Variants in ARHGEF40 observed in about 807,000 individuals in gnomAD.
The protein encoded by ARHGEF40 is Rho guanine nucleotide exchange factor (GEF) 40.
ARHGEF40 carries 98 observed loss-of-function variants against 165.9 expected under a neutral mutation model. That is an observed-to-expected ratio of 0.59 (90% CI 0.50 to 0.70). The LOEUF (loss-of-function observed/expected upper bound fraction) is 0.70. ARHGEF40 is among the 30% of genes least tolerant of loss of function. ARHGEF40 has a pLI of 0.00. For synonymous variants in ARHGEF40, 792 were observed against 814.3 expected, an observed-to-expected ratio of 0.97 and a Z score of 0.47; for missense variants, 1,815 against 1,968.0, an observed-to-expected ratio of 0.92 and a Z score of 1.47.
rs1887507718 is a variant in ARHGEF40, at chr14:21,077,292, T to TTC, written c.2034+403_2034+404insCT. On this transcript the variant is annotated intron_variant, in intron 8 of 23. Coordinates refer to ENST00000298694, the MANE Select transcript of ARHGEF40 (RefSeq NM_018071.5). ...CCTAGTTTTTGTATTTTTTTTTTTT[T>TTC]TTTTTTTGTAGAGACGGGGTTTTGC... is the stretch of plus-strand genomic sequence containing the variant. 1.4e-5 allele frequency among the ~76,000 whole-genome samples: 2 copies of TTC among 140,704 alleles called. 1 individual carries two copies. Among genetic ancestry groups the TTC allele is most frequent in the South Asian group, 4.7e-4 (2 of 4,256 alleles). 92.3% of individuals were successfully genotyped at this position (140,704 alleles called of 152,430 possible).
chr14:21,088,099 G>A lies in ARHGEF40; in HGVS notation c.4518+1G>A. The A allele has an allele frequency of 6.2e-7, 1 of 1,606,322 alleles. No homozygotes were observed. The highest frequency in any genetic ancestry group is 1.1e-5 in the South Asian group (1 of 90,256). ...AGGGATCTTAGGGCTATCCCGACAG[G>A]TAAGTTCCTACAACGAGGCTGGGAA... On this transcript the variant is annotated splice_donor_variant, in intron 22 of 23. Transcript: ENST00000298694. LOFTEE classifies it high-confidence loss of function.
In ARHGEF40 at chr14:21,070,930, C is replaced by G. The variant is rs1886762417; in HGVS notation, c.3+531C>G. The G allele has an allele frequency of 1.1e-5, 15 of 1,419,916 alleles. No individual in the cohort carries two copies. The South Asian group carries it at 1.8e-4, about 17-fold the overall frequency. The allele number at this position is 1,419,916 out of a possible 1,614,324, so 88.0% of individuals were successfully genotyped here. A position where few individuals can be genotyped will look rare whatever the true frequency, so the allele number is the denominator to read the frequency against. ...CCACAGCTGTGGCTGGGCCGGGTCC[C>G]GGGGCATGGCCAAAGAGGGAAATTC... On this transcript the variant is annotated intron_variant, in intron 1 of 23. Transcript: ENST00000298694. This position sits in a 1 kb window ranked among gnomAD's most constrained non-coding sequence, Gnocchi z 4.7.
chr14:21,081,792 G>A lies in ARHGEF40; in HGVS notation c.2924G>A (p.Ser975Asn), dbSNP rs758877916. Residue 975 changes from serine (S) to asparagine (N), a missense_variant, in exon 14 of 24, where the codon AGT (serine) becomes AAT (asparagine). By Grantham distance (46) the Ser-to-Asn change is conservative. Transcript: ENST00000298694. ...YRRRRADGAS[S>N]GGAQWGPRSP... ...CGACGGCGGGCAGACGGTGCCAGCA[G>A]TGGAGGGGCCCAGTGGGGGCCCCGC... The A allele has an allele frequency of 1.3e-6, 2 of 1,599,530 alleles. No homozygotes were observed. The highest frequency in any genetic ancestry group is 1.7e-6 in the Non-Finnish European group (2 of 1,174,246).
Position 21,070,999 on chromosome 14 carries a change from G to C in ARHGEF40, c.3+600G>C, listed in dbSNP as rs942941762. On this transcript the variant is annotated intron_variant, in intron 1 of 23. Transcript: ENST00000298694. The surrounding 1 kb of genome is among the most constrained non-coding windows in gnomAD (Gnocchi z 4.7). The stretch of plus-strand genomic sequence containing the variant: ...GCCTCAGGATAGTTGGGGGTGCTTG[G>C]GGGGGAGCTCACAGTACCAGGGGGC... The C allele has an allele frequency of 5.3e-5, 44 of 825,568 alleles. No individual in the cohort carries two copies. Among genetic ancestry groups the C allele is most frequent in the Middle Eastern group, 5.1e-4 (2 of 3,910 alleles). 51.1% of individuals were successfully genotyped at this position (825,568 alleles called of 1,614,324 possible).
At chr14:21,065,192 A>T in the ARHGEF40 span, among the ~76,000 whole-genome samples, 1 of 151,892 alleles carries the variant, frequency 6.6e-6, no homozygotes, top group Non-Finnish European at 1.5e-5. Flanking sequence ...ACAAACAACA[A>T]CAACAAAAAA....
intron 8 of ARHGEF40, among the ~76,000 whole-genome samples, chr14:21,077,362 AC>A (rs1434232727): frequency 7.2e-6 from 1 of 139,010 alleles, no homozygotes; most frequent in Non-Finnish European, 1.5e-5. Flanking sequence ...CCAGTGATCC[AC>A]CCGTCTCAGC....
In ARHGEF40 at chr14:21,076,848, T is replaced by A. The variant is rs1277704297; in HGVS notation, c.1992T>A (p.Gly664=). 6.2e-7 allele frequency: 1 copy of A among 1,613,538 alleles called. No individual in the cohort carries two copies. The highest frequency in any genetic ancestry group is 8.5e-7 in the Non-Finnish European group (1 of 1,180,004). ...KPEELQWELG[G]HRDPSPSHWV... Reference sequence around the variant, plus strand: ...AGGAGCTGCAGTGGGAGTTAGGAGGTCACAGGGACCCCTCTCCCAGTCACT... The same window carrying A: ...AGGAGCTGCAGTGGGAGTTAGGAGGACACAGGGACCCCTCTCCCAGTCACT... The change falls in exon 8 of 24, where the codon GGT becomes GGA. Residue 664 remains glycine (G), a synonymous_variant. Transcript: ENST00000298694.
chr14:21,078,149 C>G, intron 8 of ARHGEF40, 28 bp from the exon 9 acceptor site: 1 of 1,593,546 alleles, frequency 6.3e-7, no homozygotes, highest in Non-Finnish European at 8.5e-7. Flanking sequence ...CTCTGATCCT[C>G]AACTCCATCC....
chr14:21,085,652 A>ACTCTG, intron 18 of ARHGEF40, 37 bp from the exon 19 acceptor site: 1 of 1,599,840 alleles, frequency 6.3e-7, no homozygotes, highest in African/African-American at 1.3e-5. Flanking sequence ...GCCAGGACTC[A>ACTCTG]CTCTGTCTTC....
At chr14:21,087,672 C>T (rs2139273197) in intron 21 of ARHGEF40, 1 of 732,300 alleles carries the variant, frequency 1.4e-6, no homozygotes, top group South Asian at 1.9e-5. Flanking sequence ...TTCCTCTGTA[C>T]CTCTCTCTCT....
intron 11 of ARHGEF40, 83 bp from the exon 12 acceptor site, chr14:21,080,577 G>T (rs1887812760): frequency 2.7e-6 from 4 of 1,464,628 alleles, no homozygotes; most frequent in African/African-American, 1.4e-5. Context: ...TATAGATTGG[G>T]GTGGTGGGGC....
rs1887942323 is a variant in ARHGEF40, at chr14:21,081,910, G to A, written c.3042G>A (p.Glu1014=). 3.7e-6 allele frequency: 6 copies of A among 1,613,242 alleles called. No homozygotes were observed. The highest frequency in any genetic ancestry group is 4.2e-6 in the Non-Finnish European group (5 of 1,179,792). The change falls in exon 14 of 24, where the codon GAG becomes GAA. Residue 1014 remains glutamate, a synonymous_variant. Coordinates refer to ENST00000298694, the MANE Select transcript of ARHGEF40 (RefSeq NM_018071.5). The part of the protein sequence containing the change: ...PSHCSLAPCG[E]DYEEEGPELA... ...ATTGCTCCCTGGCCCCATGTGGAGAGGACTATGAGGAAGAGGGCCCTGAGC... is the reference window on the plus strand; with the variant it reads ...ATTGCTCCCTGGCCCCATGTGGAGAAGACTATGAGGAAGAGGGCCCTGAGC...
chr14:21,065,489 T>C (rs987976079), upstream of ARHGEF40, among the ~76,000 whole-genome samples: 5 of 152,362 alleles, frequency 3.3e-5, no homozygotes, highest in South Asian at 2.1e-4. Context: ...TCATAAAGTT[T>C]ATTTTTAAAT....
At position 21,075,709 on chromosome 14, in the gene ARHGEF40, C is replaced by T; in HGVS notation, c.1683C>T (p.Pro561=). 1 of 1,613,764 alleles carries T rather than the reference C, an allele frequency of 6.2e-7. No homozygotes were observed. The highest frequency in any genetic ancestry group is 8.5e-7 in the Non-Finnish European group (1 of 1,179,972). ...TITPPCPPEE[P]PPSRDTLNTT... Reference sequence around the variant, plus strand: ...CCCCACCGTGCCCTCCTGAGGAGCCCCCACCCTCCCGAGACACGCTGAACA... The same window carrying T: ...CCCCACCGTGCCCTCCTGAGGAGCCTCCACCCTCCCGAGACACGCTGAACA... Residue 561 remains proline, a synonymous_variant, in exon 5 of 24, where the codon CCC becomes CCT. Coordinates refer to ENST00000298694, the MANE Select transcript of ARHGEF40 (RefSeq NM_018071.5). The surrounding 1 kb of genome is among the most constrained non-coding windows in gnomAD (Gnocchi z 4.5).
rs143561266 is a variant in ARHGEF40, at chr14:21,077,279, ATTTTT to A, written c.2034+405_2034+409del. On this transcript the variant is annotated intron_variant, in intron 8 of 23. Coordinates refer to ENST00000298694, the MANE Select transcript of ARHGEF40 (RefSeq NM_018071.5). ...GCCACCACACCCACCTAGTTTTTGT[ATTTTT>A]TTTTTTTTTTTTTTTGTAGAGACGG... is the stretch of plus-strand genomic sequence containing the variant. Among the ~76,000 whole-genome samples, 788 of 108,488 alleles carry A rather than the reference ATTTTT, an allele frequency of 7.3e-3. 1 individual carries two copies. The highest frequency in any genetic ancestry group is 0.011 in the Non-Finnish European group (572 of 54,170). 71.2% of individuals were successfully genotyped at this position (108,488 alleles called of 152,430 possible). A position where few individuals can be genotyped will look rare whatever the true frequency, so the allele number is the denominator to read the frequency against.
At position 21,085,761 on chromosome 14, in the gene ARHGEF40, C is replaced by T. The variant is rs1380053775; in HGVS notation, c.4033C>T (p.Arg1345Cys). 3.7e-6 allele frequency: 6 copies of T among 1,614,014 alleles called. No homozygotes were observed. In the African/African-American group the frequency reaches 4.0e-5, roughly 11 times the overall value. Reference sequence around the variant, plus strand: ...CTTTGAGTTGTGGTTTCGGCGGCGGCGTGCACGAGAGGCATACACTCTGCA... The same window carrying T: ...CTTTGAGTTGTGGTTTCGGCGGCGGTGTGCACGAGAGGCATACACTCTGCA... ...LCFELWFRRR[R>C]AREAYTLQAT... The change falls in exon 19 of 24, where the codon CGT (arginine) becomes TGT (cysteine). Residue 1345 changes from arginine (R) to cysteine (C), a missense_variant. Physicochemically the swap from Arg to Cys is radical, Grantham distance 180. Coordinates refer to ENST00000298694, the MANE Select transcript of ARHGEF40 (RefSeq NM_018071.5).
At chr14:21,082,148 A>T (rs1887973155) in intron 14 of ARHGEF40, 29 bp downstream of exon 14, 1 of 1,561,250 alleles carries the variant, frequency 6.4e-7, no homozygotes, top group Admixed American at 1.9e-5. Flanking sequence ...TGGTGCTAAG[A>T]GGCGGAGCCA....
chr14:21,083,269 C>T (rs61978228), intron 16 of ARHGEF40, among the ~76,000 whole-genome samples: 5,704 of 152,004 alleles, frequency 0.038, 127 homozygotes, highest in South Asian at 0.087. Flanking sequence ...TGGCCGGGCG[C>T]GGTGACTCAC....
In ARHGEF40 at chr14:21,088,114, G is replaced by A. The variant is rs375715899; in HGVS notation, c.4518+16G>A. 4.3e-5 allele frequency: 68 copies of A among 1,599,000 alleles called. No individual in the cohort carries two copies. Among genetic ancestry groups the A allele is most frequent in the East Asian group, 2.0e-4 (9 of 44,394 alleles). On this transcript the variant is annotated intron_variant, in intron 22 of 23. Transcript: ENST00000298694. ...ATCCCGACAGGTAAGTTCCTACAAC[G>A]AGGCTGGGAACAATGTGATCTCTTT...
Sources: allele counts gnomAD v4.1 joint callset (sites outside exome capture counted in the v4.1 genomes callset), GRCh38; gene constraint gnomAD v4.1.1; non-coding constraint Gnocchi (gnomAD v3.1); transcripts MANE v1.5; gene names NCBI Gene and HGNC (gene_info 2026-07-23, HGNC 2026-07-21).